Variants in ADCY10 observed in about 807,000 individuals in gnomAD.
ADCY10 encodes adenylate cyclase type 10.
ADCY10 carries 156 observed loss-of-function variants against 183.3 expected under a neutral mutation model. The observed-to-expected ratio is 0.85, with a 90% CI of 0.75 to 0.97. The LOEUF (loss-of-function observed/expected upper bound fraction) is 0.97, where lower values mean the gene tolerates loss of function less well. Ranked by LOEUF, ADCY10 falls within the 50% of genes least tolerant of loss-of-function variation. ADCY10 has a pLI of 0.00. For missense variants in ADCY10, 1,745 were observed against 1,934.3 expected (o/e 0.90, Z 1.84); for synonymous variants, 645 against 670.0 (o/e 0.96, Z 0.58).
chr1:167,849,783 G>A (rs901160019), intron 18 of ADCY10, among the ~76,000 whole-genome samples: 8 of 152,184 alleles, frequency 5.3e-5, no homozygotes, highest in African/African-American at 1.9e-4. Context: ...GCTTGATAGG[G>A]GAGGAAGTAC....
At chr1:167,875,919 C>G (rs535301799) in intron 12 of ADCY10, among the ~76,000 whole-genome samples, 1 of 151,536 alleles carries the variant, frequency 6.6e-6, no homozygotes, top group Non-Finnish European at 1.5e-5. Context: ...CACCACTGCA[C>G]TCCAGCGTGG....
chr1:167,880,483 A>G lies in ADCY10; in HGVS notation c.1139+8T>C, dbSNP rs754070821. 1.1e-5 allele frequency: 17 copies of G among 1,604,624 alleles called. No homozygotes were observed. Among genetic ancestry groups the G allele is most frequent in the East Asian group, 4.5e-5 (2 of 44,862 alleles). On this transcript the variant is annotated splice_region_variant and intron_variant, in intron 10 of 32. Transcript: ENST00000367851. ...GGACCGCTGGGTGGGACCAGGGTCAATACTCACTGGATTTTGTGGACTTGA... is the reference window on the plus strand; with the variant it reads ...GGACCGCTGGGTGGGACCAGGGTCAGTACTCACTGGATTTTGTGGACTTGA...
rs1431653268 is a variant in ADCY10, at chr1:167,837,280, CAGG to C, written c.3043_3045del (p.Pro1015del). On this transcript the variant is annotated inframe_deletion, in exon 22 of 33. Coordinates refer to ENST00000367851, the MANE Select transcript of ADCY10 (RefSeq NM_018417.6). ...TTTTCAGGAAAAAATGCAGATGTCT[CAGG>C]AATCTCTGAGTTGGACAAGATAAGC... The C allele has an allele frequency of 6.2e-7, 1 of 1,613,948 alleles. No individual in the cohort carries two copies. The highest frequency in any genetic ancestry group is 2.2e-5 in the East Asian group (1 of 44,890).
intron 6 of ADCY10, among the ~76,000 whole-genome samples, chr1:167,897,012 C>G (rs1307782004): frequency 6.6e-6 from 1 of 151,750 alleles, no homozygotes; most frequent in Non-Finnish European, 1.5e-5. Flanking sequence ...CAAATAAAAC[C>G]TGGTTAAACT....
At position 167,902,183 on chromosome 1, in the gene ADCY10, G is replaced by T. The variant is rs1669479668; in HGVS notation, c.254-129C>A. Reference sequence around the variant, plus strand: ...ATTCAGAGAATAGGCTTATACTAAAGATCTCATCCCAGACAAGCCACTTAA... The same window carrying T: ...ATTCAGAGAATAGGCTTATACTAAATATCTCATCCCAGACAAGCCACTTAA... On this transcript the variant is annotated intron_variant, in intron 3 of 32. Transcript: ENST00000367851. 9 of 944,776 alleles carry T rather than the reference G, an allele frequency of 9.5e-6. No homozygotes were observed. The African/African-American group carries it at 1.3e-4, about 14-fold the overall frequency. 58.5% of individuals were successfully genotyped at this position (944,776 alleles called of 1,614,324 possible). A position where few individuals can be genotyped will look rare whatever the true frequency, so the allele number is the denominator to read the frequency against.
intron 11 of ADCY10, among the ~76,000 whole-genome samples, chr1:167,878,879 G>A (rs1667679804): frequency 6.6e-6 from 1 of 152,194 alleles, no homozygotes; most frequent in African/African-American, 2.4e-5. Context: ...GACCTGCTCA[G>A]GGATGGAAGG....
rs149381313 is a variant in ADCY10 at position 167,832,603 on chromosome 1, A to G, written c.3593+384T>C. Reference sequence around the variant, plus strand: ...TTTTCTTTGGGGCGGGGCAAAACCCAGTGTCTTAGCACCTAATGGAAGAGG... The same window carrying G: ...TTTTCTTTGGGGCGGGGCAAAACCCGGTGTCTTAGCACCTAATGGAAGAGG... On this transcript the variant is annotated intron_variant, in intron 25 of 32. Coordinates refer to ENST00000367851, the MANE Select transcript of ADCY10 (RefSeq NM_018417.6). Among the ~76,000 whole-genome samples, 66 of 152,238 alleles carry G rather than the reference A, an allele frequency of 4.3e-4. 1 individual carries two copies. Among genetic ancestry groups the G allele is most frequent in the African/African-American group, 1.5e-3 (62 of 41,542 alleles).
chr1:167,843,392 G>A lies in ADCY10; in HGVS notation c.3007+2171C>T, dbSNP rs765050504. On this transcript the variant is annotated intron_variant, in intron 21 of 32. Transcript: ENST00000367851. ...TGTATATGTATGACTCACTGACCCC[G>A]CACAGTCAAATATTCTTCTTTCCCC... Among the ~76,000 whole-genome samples, 9 of 152,010 alleles carry A rather than the reference G, an allele frequency of 5.9e-5. No individual in the cohort carries two copies. In the South Asian group the frequency reaches 6.2e-4, roughly 11 times the overall value.
intron 5 of ADCY10, 60 bp downstream of exon 5, chr1:167,901,602 C>G: frequency 6.5e-7 from 1 of 1,527,690 alleles, no homozygotes; most frequent in Non-Finnish European, 9.1e-7. Flanking sequence ...GAGAGAGATG[C>G]CCCAGGAGTC....
Position 167,900,830 on chromosome 1 carries a change from C to G in ADCY10, c.436+832G>C, listed in dbSNP as rs572369808. Among the ~76,000 whole-genome samples, 9 of 152,264 alleles carry G rather than the reference C, an allele frequency of 5.9e-5. No individual in the cohort carries two copies. The South Asian group carries it at 1.7e-3, about 28-fold the overall frequency. ...TACAGGTGTGAGCCACTGCACCTGG[C>G]CTTATTTGGAAATTTTTAACAACAT... On this transcript the variant is annotated intron_variant, in intron 5 of 32. Coordinates refer to ENST00000367851, the MANE Select transcript of ADCY10 (RefSeq NM_018417.6).
chr1:167,892,685 A>G (rs1462203271), intron 8 of ADCY10, among the ~76,000 whole-genome samples: 3 of 152,178 alleles, frequency 2.0e-5, no homozygotes, highest in Non-Finnish European at 4.4e-5. Context: ...AATGGGCTGA[A>G]GGTGGCAGGG....
At position 167,870,287 on chromosome 1, in the gene ADCY10, A is replaced by G; in HGVS notation, c.1586T>C (p.Ile529Thr). ...ATTCTTACCTTGGGCCAGGTACTCA[A>G]TTTTCATAAGTATCTGGCTTTTTCC... ...GYGKSQILMK[I>T]EYLAQGKNHR... Residue 529 changes from isoleucine (I) to threonine (T), a missense_variant, in exon 14 of 33, where the codon ATT (isoleucine) becomes ACT (threonine). Coordinates refer to ENST00000367851, the MANE Select transcript of ADCY10 (RefSeq NM_018417.6). 6.2e-7 allele frequency: 1 copy of G among 1,613,944 alleles called. No homozygotes were observed. The highest frequency in any genetic ancestry group is 8.5e-7 in the Non-Finnish European group (1 of 1,179,964).
At chr1:167,872,973 G>A (rs1010252049) in intron 13 of ADCY10, among the ~76,000 whole-genome samples, 11 of 151,840 alleles carry the variant, frequency 7.2e-5, no homozygotes, top group Non-Finnish European at 1.3e-4. Context: ...GGGAAGCTGA[G>A]GCAGAAGAAT....
rs1231527539 is a variant in ADCY10, at chr1:167,834,027, C to T, written c.3360G>A (p.Lys1120=). The T allele has an allele frequency of 1.2e-5, 19 of 1,614,008 alleles. No individual in the cohort carries two copies. The highest frequency in any genetic ancestry group is 2.7e-5 in the African/African-American group (2 of 74,924). Residue 1120 remains lysine (K), a synonymous_variant, in exon 24 of 33, where the codon AAG becomes AAA. Coordinates refer to ENST00000367851, the MANE Select transcript of ADCY10 (RefSeq NM_018417.6). ...EGQKLLKTLK[K]DKSWSQTFES... is the part of the protein sequence containing the mutation. The stretch of plus-strand genomic sequence containing the variant: ...CAAATGTCTGGCTCCAAGATTTGTC[C>T]TTCTTGAGAGTTTTTAGCAACTTCT...
intron 30 of ADCY10, among the ~76,000 whole-genome samples, chr1:167,818,930 G>A (rs753979404): frequency 2.6e-5 from 4 of 152,132 alleles, no homozygotes; most frequent in Admixed American, 2.0e-4. Context: ...ACCAAAGAGA[G>A]ATGATTTAGG....
chr1:167,895,691 G>T (rs773661591), intron 7 of ADCY10, among the ~76,000 whole-genome samples: 11 of 152,182 alleles, frequency 7.2e-5, no homozygotes, highest in Non-Finnish European at 1.3e-4. Context: ...GCGAATTCTG[G>T]CTGTTAGGTC....
At chr1:167,907,332 A>G (rs1431884751) in intron 1 of ADCY10, among the ~76,000 whole-genome samples, 1 of 152,246 alleles carries the variant, frequency 6.6e-6, no homozygotes. Flanking sequence ...TGAAATCTCA[A>G]TGGCTTGAAA....
At chr1:167,811,310 T>G (rs1662191228) in intron 31 of ADCY10, among the ~76,000 whole-genome samples, 2 of 152,168 alleles carry the variant, frequency 1.3e-5, no homozygotes, top group African/African-American at 4.8e-5. Flanking sequence ...CTGAACAGGC[T>G]GGGCGCAGTG....
rs1222884592 is a variant in ADCY10 at position 167,878,634 on chromosome 1, G to T, written c.1218C>A (p.Val406=). The T allele has an allele frequency of 1.2e-6, 2 of 1,613,684 alleles. No homozygotes were observed. Among genetic ancestry groups the T allele is most frequent in the Non-Finnish European group, 1.7e-6 (2 of 1,179,892 alleles). The change falls in exon 12 of 33, where the codon GTC becomes GTA. Residue 406 remains valine (V), a splice_region_variant and synonymous_variant. Coordinates refer to ENST00000367851, the MANE Select transcript of ADCY10 (RefSeq NM_018417.6). The part of the protein sequence containing the change: ...VGHTVRHEYT[V]IGQKVNLAAR... Reference sequence around the variant, plus strand: ...CAGCTAAGTTGACTTTTTGACCAATGACTATAGCAAGAAAGAGAAAGTCAA... The same window carrying T: ...CAGCTAAGTTGACTTTTTGACCAATTACTATAGCAAGAAAGAGAAAGTCAA...
Sources: gnomAD v4.1 joint callset for allele counts (sites outside exome capture counted in the v4.1 genomes callset) on GRCh38, gnomAD v4.1.1 for gene constraint, MANE v1.5 for transcripts, NCBI Gene and HGNC (gene_info 2026-07-23, HGNC 2026-07-21) for gene names.